ALPK2: variants seen among roughly 807,000 people sequenced by gnomAD.
ALPK2 encodes alpha kinase 2.
ALPK2 carries 127 observed loss-of-function variants against 163.1 expected under a neutral mutation model. The observed-to-expected ratio is 0.78, with a 90% CI of 0.67 to 0.90. ALPK2 has a LOEUF of 0.90. Among genes scored for constraint, ALPK2 ranks in the 40% least tolerant of loss-of-function variants. The pLI is 0.00. For synonymous variants in ALPK2, 953 were observed against 959.1 expected (o/e 0.99, Z 0.12); for missense variants, 2,360 against 2,589.6 (o/e 0.91, Z 1.92).
intron 10 of ALPK2, 138 bp from the exon 11 acceptor site, chr18:58,504,286 T>C: frequency 1.5e-6 from 1 of 669,660 alleles, no homozygotes; most frequent in Non-Finnish European, 2.5e-6. Flanking sequence ...TACAAATCCA[T>C]CCAATGACTT....
At chr18:58,521,871 C>T (rs570613811) in intron 8 of ALPK2, among the ~76,000 whole-genome samples, 5 of 152,172 alleles carry the variant, frequency 3.3e-5, no homozygotes, top group African/African-American at 1.2e-4. Context: ...CGTGATCCCA[C>T]TCGCCTCGGC....
rs1434801056 is a variant in ALPK2 at position 58,529,078 on chromosome 18, A to G, written c.5501+13T>C. The G allele has an allele frequency of 4.3e-6, 7 of 1,613,902 alleles. No individual in the cohort carries two copies. The highest frequency in any genetic ancestry group is 2.2e-5 in the South Asian group (2 of 91,068). On this transcript the variant is annotated intron_variant, in intron 6 of 12. Coordinates refer to ENST00000361673, the MANE Select transcript of ALPK2 (RefSeq NM_052947.4). ...CAACAACTGTGAAAAGTAACCAGGG[A>G]AAAACATCGCACCTTCTCTGCACTT...
intron 1 of ALPK2, among the ~76,000 whole-genome samples, chr18:58,616,017 A>G (rs573966692): frequency 6.6e-6 from 1 of 152,348 alleles, no homozygotes; most frequent in South Asian, 2.1e-4. Context: ...GCTTCTCTGA[A>G]GGTGAGAACC....
chr18:58,499,457 G>A lies in ALPK2; in HGVS notation c.6248-1360C>T, dbSNP rs370870674. On this transcript the variant is annotated intron_variant, in intron 11 of 12. Coordinates refer to ENST00000361673, the MANE Select transcript of ALPK2 (RefSeq NM_052947.4). Reference sequence around the variant, plus strand: ...AGCCTGCATCCTGAACCTCTCTCAGGTCTAGTGGAAAGTAAAGCACTTCCC... The same window carrying A: ...AGCCTGCATCCTGAACCTCTCTCAGATCTAGTGGAAAGTAAAGCACTTCCC... Among the ~76,000 whole-genome samples the A allele has an allele frequency of 7.9e-5, 12 of 152,250 alleles. No homozygotes were observed. In the East Asian group the frequency reaches 1.9e-3, roughly 25 times the overall value.
intron 4 of ALPK2, among the ~76,000 whole-genome samples, chr18:58,557,591 T>C (rs1405161242): frequency 2.6e-5 from 4 of 152,104 alleles, no homozygotes; most frequent in African/African-American, 9.7e-5. Context: ...TAAAAAAGTC[T>C]ATTAAAGAGA....
chr18:58,517,248 A>G, intron 8 of ALPK2, 66 bp from the exon 9 acceptor site: 1 of 1,530,868 alleles, frequency 6.5e-7, no homozygotes, highest in Non-Finnish European at 8.8e-7. Flanking sequence ...CTAACTCCAC[A>G]TGGGGAGGGT....
At chr18:58,509,513 G>T (rs920953021) in intron 10 of ALPK2, among the ~76,000 whole-genome samples, 1 of 152,098 alleles carries the variant, frequency 6.6e-6, no homozygotes, top group African/African-American at 2.4e-5. Context: ...GTGTAAAAGT[G>T]TTCCTGTTTC....
In ALPK2 at chr18:58,529,184, T is replaced by G. The variant is rs745311337; in HGVS notation, c.5408A>C (p.Asn1803Thr). ...TGCAAATTGGCAGCTTAATTTTACATTTCCAGAGTGTTCAGGGAACATCTC... is the reference window on the plus strand; with the variant it reads ...TGCAAATTGGCAGCTTAATTTTACAGTTCCAGAGTGTTCAGGGAACATCTC... ...QAEMFPEHSG[N>T]VKLSCQFAEI... Residue 1803 changes from asparagine (N) to threonine (T), a missense_variant, in exon 6 of 13, where the codon AAT becomes ACT. Physicochemically the swap from Asn to Thr is moderately conservative, Grantham distance 65 (BLOSUM62 0). Transcript: ENST00000361673. The G allele has an allele frequency of 6.2e-7, 1 of 1,614,082 alleles. No homozygotes were observed. Among genetic ancestry groups the G allele is most frequent in the Non-Finnish European group, 8.5e-7 (1 of 1,179,956 alleles).
chr18:58,542,943 CTT>C (rs2051697701), intron 4 of ALPK2, among the ~76,000 whole-genome samples: 1 of 152,204 alleles, frequency 6.6e-6, no homozygotes, highest in African/African-American at 2.4e-5. Flanking sequence ...CATATTGAAA[CTT>C]AATCCCCAGT....
intron 11 of ALPK2, among the ~76,000 whole-genome samples, chr18:58,500,637 C>G (rs545946524): frequency 8.9e-4 from 136 of 152,218 alleles, no homozygotes; most frequent in Middle Eastern, 3.4e-3. Flanking sequence ...AGTTCATTCT[C>G]CACTTGGCTG....
intron 4 of ALPK2, among the ~76,000 whole-genome samples, chr18:58,573,266 A>ATATATGTGTATATATGTATATATGTG (rs1197357765): frequency 6.0e-5 from 2 of 33,398 alleles, no homozygotes; most frequent in Non-Finnish European, 1.3e-4. Flanking sequence ...ATATATGTGT[A>ATATATGTGTATATATGTATATATGTG]TATATATGTA....
chr18:58,504,603 T>C (rs2051452116), intron 10 of ALPK2, among the ~76,000 whole-genome samples: 1 of 152,214 alleles, frequency 6.6e-6, no homozygotes, highest in Non-Finnish European at 1.5e-5. Flanking sequence ...ATGTGTCAGA[T>C]ACTCTTCCAG....
At chr18:58,593,145 G>A (rs1202944500) in intron 3 of ALPK2, among the ~76,000 whole-genome samples, 2 of 152,214 alleles carry the variant, frequency 1.3e-5, no homozygotes, top group Non-Finnish European at 2.9e-5. Context: ...GTGATGATAT[G>A]TCAGTGTGGA....
chr18:58,484,118 AAT>A (rs2051326181), intron 12 of ALPK2, among the ~76,000 whole-genome samples: 1 of 152,072 alleles, frequency 6.6e-6, no homozygotes, highest in Admixed American at 6.5e-5. Flanking sequence ...AAGCTCAACA[AAT>A]AGAGGATGAT....
intron 3 of ALPK2, among the ~76,000 whole-genome samples, chr18:58,598,164 C>A (rs1271960082): frequency 6.6e-6 from 1 of 152,256 alleles, no homozygotes; most frequent in Non-Finnish European, 1.5e-5. Context: ...CATTCTCACC[C>A]ATTCTCAGGT....
intron 4 of ALPK2, among the ~76,000 whole-genome samples, chr18:58,564,529 G>C (rs1444434461): frequency 6.7e-6 from 1 of 149,796 alleles, no homozygotes; most frequent in Non-Finnish European, 1.5e-5. Context: ...TTATGGTGGG[G>C]GTTTTTGTGC....
chr18:58,506,320 C>T (rs35406722), intron 10 of ALPK2, among the ~76,000 whole-genome samples: 38,768 of 149,796 alleles, frequency 0.26, 5,151 homozygotes, highest in East Asian at 0.41. Context: ...CAGCATCACA[C>T]AATACAGCCA....
At chr18:58,544,314 G>A (rs561418146) in intron 4 of ALPK2, 1 of 152,174 alleles carries the variant, frequency 6.6e-6, no homozygotes, top group Non-Finnish European at 1.5e-5. Flanking sequence ...CCAAAGTTCT[G>A]CCTCCTAGGA....
At chr18:58,625,894 T>C (rs1158880528) in intron 1 of ALPK2, among the ~76,000 whole-genome samples, 2 of 152,262 alleles carry the variant, frequency 1.3e-5, no homozygotes, top group African/African-American at 2.4e-5. Context: ...ATTTGGCCCA[T>C]GCCAGGTGGG....
Sources: allele counts gnomAD v4.1 joint callset (sites outside exome capture counted in the v4.1 genomes callset), GRCh38; gene constraint gnomAD v4.1.1; transcripts MANE v1.5; gene names NCBI Gene and HGNC (gene_info 2026-07-23, HGNC 2026-07-21).